The following DLG2 variants were observed in gnomAD, a reference collection of about 807,000 sequenced individuals.
DLG2 encodes the protein disks large homolog 2.
Under a neutral mutation model 132.5 loss-of-function variants are expected in DLG2, and 45 were observed. That is an observed-to-expected ratio of 0.34 (90% confidence interval 0.27 to 0.44). The LOEUF (loss-of-function observed/expected upper bound fraction) is 0.44. Among genes scored for constraint, DLG2 ranks in the 20% least tolerant of loss-of-function variants. The probability of loss-of-function intolerance (pLI) is 1.00; values close to 1 mark genes in which losing one functional copy is unlikely to be tolerated. For missense variants in DLG2, 1,045 were observed against 1,196.9 expected, an observed-to-expected ratio of 0.87 and a Z score of 1.87; for synonymous variants, 424 against 419.6, an observed-to-expected ratio of 1.01 and a Z score of -0.13.
intron 8 of DLG2, among the ~76,000 whole-genome samples, chr11:84,209,684 T>C (rs1283779056): frequency 6.6e-6 from 1 of 152,012 alleles, no homozygotes; most frequent in Non-Finnish European, 1.5e-5. Context: ...AGATGGGATA[T>C]ATGAATAAAC....
At chr11:85,389,326 A>G (rs2086608141) in intron 3 of DLG2, among the ~76,000 whole-genome samples, 1 of 152,208 alleles carries the variant, frequency 6.6e-6, no homozygotes, top group Non-Finnish European at 1.5e-5. Flanking sequence ...TAATTTTTTA[A>G]AAATGAACAA....
intron 3 of DLG2, among the ~76,000 whole-genome samples, chr11:85,347,967 CTTTTTTTTTTTTT>C (rs35083224): frequency 1.5e-4 from 6 of 40,392 alleles, no homozygotes; most frequent in Non-Finnish European, 2.3e-4. Context: ...CCACACTTAA[CTTTTTTTTTTTTT>C]TTTTTTTTTT....
At chr11:83,678,083 G>A (rs2078083419) in intron 18 of DLG2, among the ~76,000 whole-genome samples, 1 of 152,142 alleles carries the variant, frequency 6.6e-6, no homozygotes, top group Non-Finnish European at 1.5e-5. Flanking sequence ...TGCCCTAAAA[G>A]ACAAATGGCA....
chr11:84,344,824 A>G (rs931115272), intron 7 of DLG2, among the ~76,000 whole-genome samples: 2 of 152,132 alleles, frequency 1.3e-5, no homozygotes, highest in Non-Finnish European at 2.9e-5. Flanking sequence ...CAGAAAGGCA[A>G]TTTCACATTT....
At chr11:83,706,542 A>T (rs1187053545) in intron 18 of DLG2, among the ~76,000 whole-genome samples, 1 of 152,224 alleles carries the variant, frequency 6.6e-6, no homozygotes, top group Non-Finnish European at 1.5e-5. Flanking sequence ...TAATATATGC[A>T]GAGGCTCACA....
intron 9 of DLG2, among the ~76,000 whole-genome samples, chr11:84,135,845 G>T (rs1000775154): frequency 6.6e-6 from 1 of 152,104 alleles, no homozygotes; most frequent in Non-Finnish European, 1.5e-5. Context: ...CACACTGGGC[G>T]CAGTGTGAGT....
chr11:84,802,528 C>T (rs566165950), intron 6 of DLG2, among the ~76,000 whole-genome samples: 1 of 151,880 alleles, frequency 6.6e-6, no homozygotes, highest in African/African-American at 2.4e-5. Context: ...CAACCCCAGT[C>T]ACTACTATGG....
intron 7 of DLG2, among the ~76,000 whole-genome samples, chr11:84,406,625 C>A (rs1363557248): frequency 6.6e-6 from 1 of 152,324 alleles, no homozygotes; most frequent in South Asian, 2.1e-4. Flanking sequence ...CAGGCATGAG[C>A]CACCACATCC....
chr11:85,293,720 G>A (rs1434360624), intron 3 of DLG2, among the ~76,000 whole-genome samples: 3 of 152,124 alleles, frequency 2.0e-5, no homozygotes, highest in African/African-American at 4.8e-5. Context: ...TTGGACTGAG[G>A]AAATACAACT....
chr11:84,619,019 A>G (rs965356677), intron 6 of DLG2, among the ~76,000 whole-genome samples: 7 of 152,010 alleles, frequency 4.6e-5, no homozygotes, highest in Non-Finnish European at 1.0e-4. Context: ...AATTTGAAAA[A>G]TGTAAACAAT....
chr11:84,535,770 C>T (rs891903910), intron 6 of DLG2, among the ~76,000 whole-genome samples: 1 of 152,140 alleles, frequency 6.6e-6, no homozygotes, highest in African/African-American at 2.4e-5. Context: ...CTACATCTGA[C>T]CTCTTAATCA....
chr11:83,644,956 ATATAT>A (rs1049210596), intron 18 of DLG2, among the ~76,000 whole-genome samples: 13 of 152,088 alleles, frequency 8.5e-5, no homozygotes, highest in African/African-American at 1.4e-4. Flanking sequence ...TTTTTAAGGG[ATATAT>A]TATATTTGTC....
rs1565616703 is a variant in DLG2 at position 83,520,695 on chromosome 11, G to GATAGATAGATAGATAGATAGA, written c.2193+12012_2193+12013insTCTATCTATCTATCTATCTAT. Reference sequence around the variant, plus strand: ...GAAAGACAGACAGGTAAGTAGGTAGGTAGATAGATAGATAGATAGATAGAT... The same window carrying GATAGATAGATAGATAGATAGA: ...GAAAGACAGACAGGTAAGTAGGTAGGATAGATAGATAGATAGATAGATAGATAGATAGATAGATAGATAGAT... On this transcript the variant is annotated intron_variant, in intron 21 of 27. Coordinates refer to ENST00000376104, the MANE Select transcript of DLG2 (RefSeq NM_001142699.3). 9.8e-3 allele frequency among the ~76,000 whole-genome samples: 1,455 copies of GATAGATAGATAGATAGATAGA among 149,138 alleles called. 19 individuals carry two copies. Among genetic ancestry groups the GATAGATAGATAGATAGATAGA allele is most frequent in the East Asian group, 0.014 (72 of 4,986 alleles).
intron 6 of DLG2, among the ~76,000 whole-genome samples, chr11:84,727,237 T>A (rs2062590121): frequency 6.6e-6 from 1 of 152,204 alleles, no homozygotes; most frequent in African/African-American, 2.4e-5. Flanking sequence ...GGTCTTACAT[T>A]TAAGTCTTTG....
chr11:85,379,258 T>C (rs916905409), intron 3 of DLG2, among the ~76,000 whole-genome samples: 1 of 152,164 alleles, frequency 6.6e-6, no homozygotes, highest in African/African-American at 2.4e-5. Context: ...CCCTTGCTCA[T>C]ACCACCTCAT....
chr11:83,567,990 A>C, intron 19 of DLG2, among the ~76,000 whole-genome samples: 1 of 152,144 alleles, frequency 6.6e-6, no homozygotes, highest in Non-Finnish European at 1.5e-5. Context: ...TATATATGTA[A>C]ATAAGGCGTA....
rs1344283701 is a variant in DLG2 at position 84,087,735 on chromosome 11, G to T, written c.749+11188C>A. Among the ~76,000 whole-genome samples, 3 of 152,314 alleles carry T rather than the reference G, an allele frequency of 2.0e-5. No homozygotes were observed. The South Asian group carries it at 6.2e-4, about 32-fold the overall frequency. On this transcript the variant is annotated intron_variant, in intron 10 of 27. Coordinates refer to ENST00000376104, the MANE Select transcript of DLG2 (RefSeq NM_001142699.3). ...AAGGTTGGATGGAGAAAAGGGTTAT[G>T]AGCCAAGTGATTCAGATGGCCTTTT...
Position 84,059,503 on chromosome 11 carries a change from G to A in DLG2, c.750-19C>T, listed in dbSNP as rs2096557214. 7 of 1,539,314 alleles carry A rather than the reference G, an allele frequency of 4.5e-6. No individual in the cohort carries two copies. Among genetic ancestry groups the A allele is most frequent in the Non-Finnish European group, 6.1e-6 (7 of 1,142,180 alleles). On this transcript the variant is annotated intron_variant, in intron 10 of 27. Transcript: ENST00000376104. ...ATTGACCCTGCAAGGAAGGAAAAGA[G>A]TCAAGATTCAGAAGTGGCTAGCAGG...
chr11:85,508,650 A>G (rs1021128585), intron 3 of DLG2, among the ~76,000 whole-genome samples: 1 of 152,112 alleles, frequency 6.6e-6, no homozygotes, highest in African/African-American at 2.4e-5. Context: ...GGCAAATTAT[A>G]CGCACCCAAT....
Sources: gnomAD v4.1 joint callset for allele counts (sites outside exome capture counted in the v4.1 genomes callset) on GRCh38, gnomAD v4.1.1 for gene constraint, MANE v1.5 for transcripts, NCBI Gene and HGNC (gene_info 2026-07-23, HGNC 2026-07-21) for gene names.